Variants in MIB1 observed in about 807,000 individuals in gnomAD.
MIB1 encodes E3 ubiquitin-protein ligase MIB1.
In MIB1, 278 loss-of-function variants were observed where a neutral mutation model predicts 124.5. The observed-to-expected ratio is 2.23, with a 90% CI of 2.02 to 2.47. The LOEUF is 2.47. MIB1 is among the 30% of genes most tolerant of loss of function. The probability of loss-of-function intolerance (pLI) is 0.00; values close to 1 mark genes in which losing one functional copy is unlikely to be tolerated. For synonymous variants in MIB1, 446 were observed against 429.4 expected (o/e 1.04, Z -0.48); for missense variants, 957 against 1,254.4 (o/e 0.76, Z 3.58).
At chr18:21,820,998 C>T (rs933106081) in intron 12 of MIB1, among the ~76,000 whole-genome samples, 3 of 152,152 alleles carry the variant, frequency 2.0e-5, no homozygotes, top group African/African-American at 7.2e-5. Flanking sequence ...CCTCTTGCTG[C>T]TTCATTGCTT....
At chr18:21,824,838 T>G (rs1483901157) in intron 12 of MIB1, among the ~76,000 whole-genome samples, 2 of 152,014 alleles carry the variant, frequency 1.3e-5, no homozygotes, top group Non-Finnish European at 1.5e-5. Flanking sequence ...ATCTATAGTT[T>G]TATTGCAATC....
chr18:21,739,932 A>C (rs566052874), upstream of MIB1, among the ~76,000 whole-genome samples: 227 of 150,826 alleles, frequency 1.5e-3, 1 homozygote, highest in Admixed American at 2.7e-3. Context: ...GCAAAAAAAA[A>C]AACAACAACA....
rs775799378 is a variant in MIB1, at chr18:21,847,080, C to T, written c.2348C>T (p.Pro783Leu). 14 of 1,613,920 alleles carry T rather than the reference C, an allele frequency of 8.7e-6. No homozygotes were observed. The highest frequency in any genetic ancestry group is 4.4e-5 in the South Asian group (4 of 91,080). Residue 783 changes from proline (P) to leucine (L), a missense_variant, in exon 16 of 21, where the codon CCG becomes CTG. Pro to Leu is a moderately conservative substitution (Grantham distance 98). Coordinates refer to ENST00000261537, the MANE Select transcript of MIB1 (RefSeq NM_020774.4). ...GQSPLDLCPD[P>L]NLCKALAKCH... ...TCGCCACTTGATCTCTGTCCTGATC[C>T]GAATCTCTGCAAAGCACTGGCAAAG...
chr18:21,857,490 T>A (rs2042239874), intron 19 of MIB1, among the ~76,000 whole-genome samples: 1 of 152,256 alleles, frequency 6.6e-6, no homozygotes, highest in African/African-American at 2.4e-5. Flanking sequence ...CTATAAAGAA[T>A]ATTGTTGTGT....
At chr18:21,794,857 A>G (rs756747742) in intron 7 of MIB1, among the ~76,000 whole-genome samples, 1 of 152,144 alleles carries the variant, frequency 6.6e-6, no homozygotes, top group Non-Finnish European at 1.5e-5. Context: ...TAACCAAACT[A>G]ACTTTCAAGT....
At chr18:21,784,248 C>G (rs553038247) in intron 6 of MIB1, among the ~76,000 whole-genome samples, 2 of 151,240 alleles carry the variant, frequency 1.3e-5, no homozygotes, top group South Asian at 4.2e-4. Flanking sequence ...GGGGTTTCAC[C>G]ATGTTGGCCA....
At chr18:21,734,010 T>C (rs2040783772) in intron 1 of MIB1, among the ~76,000 whole-genome samples, 1 of 152,120 alleles carries the variant, frequency 6.6e-6, no homozygotes, top group Non-Finnish European at 1.5e-5. Flanking sequence ...TGGGGCATTG[T>C]CCCCATAAAC....
Position 21,828,329 on chromosome 18 carries a change from A to T in MIB1, c.1829+8683A>T, listed in dbSNP as rs527535883. 2.9e-3 allele frequency: 442 copies of T among 152,034 alleles called. 2 individuals are homozygous for T. Among genetic ancestry groups the T allele is most frequent in the African/African-American group, 0.01 (420 of 41,534 alleles). 9.4% of individuals were successfully genotyped at this position (152,034 alleles called of 1,614,324 possible). ...GTGGACCAGAATTTTGTCATTTTTCATGCTTAAATCTTACATTTTAATTAA... is the reference window on the plus strand; with the variant it reads ...GTGGACCAGAATTTTGTCATTTTTCTTGCTTAAATCTTACATTTTAATTAA... On this transcript the variant is annotated intron_variant, in intron 12 of 20. Transcript: ENST00000261537.
At chr18:21,811,446 G>T (rs2041772555) in intron 10 of MIB1, among the ~76,000 whole-genome samples, 1 of 152,156 alleles carries the variant, frequency 6.6e-6, no homozygotes, top group Non-Finnish European at 1.5e-5. Context: ...ATTCGTAATA[G>T]CTAAAGCATG....
At chr18:21,745,675 A>AAC (rs144491531) in intron 1 of MIB1, among the ~76,000 whole-genome samples, 7,801 of 144,672 alleles carry the variant, frequency 0.054, 240 homozygotes, top group Non-Finnish European at 0.074. Flanking sequence ...ATAGGTGTTA[A>AAC]ACACACACAC....
chr18:21,741,475 G>T lies in MIB1; in HGVS notation c.-109G>T. 9 of 550,462 alleles carry T rather than the reference G, an allele frequency of 1.6e-5. No homozygotes were observed. Among genetic ancestry groups the T allele is most frequent in the South Asian group, 8.7e-5 (1 of 11,490 alleles). 34.1% of individuals were successfully genotyped at this position (550,462 alleles called of 1,614,324 possible). Reference sequence around the variant, plus strand: ...CTCACGTCCCCCGGGGCTCGCTGCCGCCCCCGCCGACGCCTAGAGTCCGGC... The same window carrying T: ...CTCACGTCCCCCGGGGCTCGCTGCCTCCCCCGCCGACGCCTAGAGTCCGGC... On this transcript the variant is annotated 5_prime_UTR_variant, in exon 1 of 21. Coordinates refer to ENST00000261537, the MANE Select transcript of MIB1 (RefSeq NM_020774.4). This position sits in a 1 kb window ranked among gnomAD's most constrained non-coding sequence, Gnocchi z 5.4.
Position 21,731,390 on chromosome 18 carries a change from C to A in MIB1, n.167+26267C>A, listed in dbSNP as rs150369751. Reference sequence around the variant, plus strand: ...TATGACTATACTGCAAGATGCTGATCTATTCACTTGTTGAAGGACAGATGA... The same window carrying A: ...TATGACTATACTGCAAGATGCTGATATATTCACTTGTTGAAGGACAGATGA... On this transcript the variant is annotated intron_variant and non_coding_transcript_variant, in intron 1 of 20. Coordinates refer to the MIB1 transcript ENST00000578646. 5.9e-4 allele frequency among the ~76,000 whole-genome samples: 90 copies of A among 152,290 alleles called. 2 individuals are homozygous for A. The East Asian group carries it at 0.015, about 26-fold the overall frequency.
intron 17 of MIB1, among the ~76,000 whole-genome samples, chr18:21,852,252 AC>A (rs772221245): frequency 6.6e-6 from 1 of 152,218 alleles, no homozygotes; most frequent in Non-Finnish European, 1.5e-5. Flanking sequence ...TTCTATACTT[AC>A]ATAAATTCTA....
chr18:21,744,097 GTTT>G (rs768951212), intron 1 of MIB1, among the ~76,000 whole-genome samples: 23 of 121,212 alleles, frequency 1.9e-4, no homozygotes, highest in Non-Finnish European at 3.1e-4. Context: ...ATTCTTCAGG[GTTT>G]TTTTTTTTTT....
At chr18:21,863,414 A>T (rs925793494) in intron 20 of MIB1, among the ~76,000 whole-genome samples, 3 of 152,300 alleles carry the variant, frequency 2.0e-5, no homozygotes, top group Admixed American at 1.3e-4. Context: ...GGACACTTGA[A>T]GGATGGTGAA....
intron 18 of MIB1, among the ~76,000 whole-genome samples, chr18:21,855,152 A>C (rs1244852446): frequency 6.6e-6 from 1 of 152,226 alleles, no homozygotes; most frequent in African/African-American, 2.4e-5. Flanking sequence ...AACAATCCTA[A>C]GAAGTAGATG....
intron 12 of MIB1, among the ~76,000 whole-genome samples, chr18:21,835,157 G>A (rs947771211): frequency 6.6e-6 from 1 of 151,916 alleles, no homozygotes; most frequent in African/African-American, 2.4e-5. Context: ...TTAGTCTCAT[G>A]TTCTTTTAAA....
intron 10 of MIB1, among the ~76,000 whole-genome samples, chr18:21,815,018 T>TATAC (rs1225764239): frequency 4.6e-5 from 2 of 43,664 alleles, no homozygotes; most frequent in Non-Finnish European, 8.1e-5. Flanking sequence ...GTTTTATATA[T>TATAC]ATATATATAT....
chr18:21,749,312 A>C (rs905625331), intron 1 of MIB1, among the ~76,000 whole-genome samples: 2 of 152,242 alleles, frequency 1.3e-5, no homozygotes, highest in Non-Finnish European at 2.9e-5. Context: ...GTGTTAGCAC[A>C]TAAGAATCTG....
Sources: gnomAD v4.1 joint callset for allele counts (sites outside exome capture counted in the v4.1 genomes callset) on GRCh38, gnomAD v4.1.1 for gene constraint, Gnocchi (gnomAD v3.1) non-coding constraint, MANE v1.5 for transcripts, NCBI Gene and HGNC (gene_info 2026-07-23, HGNC 2026-07-21) for gene names.